KPNA1: variants seen among roughly 807,000 people sequenced by gnomAD.
KPNA1 encodes the protein karyopherin subunit alpha 1, also known as importin subunit alpha-5.
Under a neutral mutation model 70.5 loss-of-function variants are expected in KPNA1, and 10 were observed. The observed-to-expected ratio is 0.14, with a 90% CI of 0.09 to 0.24. The LOEUF (loss-of-function observed/expected upper bound fraction) is 0.24. Among genes scored for constraint, KPNA1 ranks in the 10% least tolerant of loss-of-function variants. The probability of loss-of-function intolerance (pLI) is 1.00; values close to 1 mark genes in which losing one functional copy is unlikely to be tolerated. For synonymous variants in KPNA1, 192 were observed against 221.9 expected (o/e 0.87, Z 1.20); for missense variants, 397 against 637.9 (o/e 0.62, Z 4.07).
At chr3:122,492,132 T>C (rs1368013217) in intron 2 of KPNA1, among the ~76,000 whole-genome samples, 2 of 151,994 alleles carry the variant, frequency 1.3e-5, no homozygotes, top group South Asian at 2.1e-4. Flanking sequence ...AGTGCTGGGA[T>C]TACAGGCGTG....
At chr3:122,460,943 C>T (rs73190124) in intron 5 of KPNA1, among the ~76,000 whole-genome samples, 226 of 152,240 alleles carry the variant, frequency 1.5e-3, no homozygotes, top group South Asian at 3.9e-3. Context: ...AAGTTCCTGG[C>T]TGTAATGGCT....
In KPNA1 at chr3:122,464,045, C is replaced by A. The variant is rs771496329; in HGVS notation, c.238-4G>T. 4.0e-6 allele frequency: 6 copies of A among 1,511,794 alleles called. No individual in the cohort carries two copies. In the South Asian group the frequency reaches 6.2e-5, roughly 16 times the overall value. The allele number at this position is 1,511,794 out of a possible 1,614,324, so 93.6% of individuals were successfully genotyped here. Reference sequence around the variant, plus strand: ...TGTCAGAAGTGATGACACCACCCTGCGATCACAAACAAAAAGAACATATAA... The same window carrying A: ...TGTCAGAAGTGATGACACCACCCTGAGATCACAAACAAAAAGAACATATAA... On this transcript the variant is annotated splice_polypyrimidine_tract_variant and splice_region_variant and intron_variant, in intron 3 of 13. Transcript: ENST00000344337.
chr3:122,489,014 T>C (rs1266248346), intron 2 of KPNA1, among the ~76,000 whole-genome samples: 1 of 150,532 alleles, frequency 6.6e-6, no homozygotes, highest in Non-Finnish European at 1.5e-5. Flanking sequence ...TATTTAGCTT[T>C]CTTGAAGTTG....
rs1477987119 is a variant in KPNA1 at position 122,461,312 on chromosome 3, T to C, written c.344A>G (p.Asn115Ser). 1 of 1,603,848 alleles carries C rather than the reference T, an allele frequency of 6.2e-7. No homozygotes were observed. The highest frequency in any genetic ancestry group is 8.5e-7 in the Non-Finnish European group (1 of 1,173,500). The change falls in exon 5 of 14, where the codon AAC (asparagine) becomes AGC (serine). Residue 115 changes from asparagine (N) to serine (S), a missense_variant. Asn to Ser is a conservative substitution (Grantham distance 46). Transcript: ENST00000344337. The part of the protein sequence containing the change: ...KFRKLLSKEP[N>S]PPIDEVISTP... ...GCTGATAACTTCATCAATAGGAGGG[T>C]TAGGTTCTGTTTCCCCATAAAATAA...
In KPNA1 at chr3:122,422,673, GTTGTAACC is replaced by G. The variant is rs766952393; in HGVS notation, c.*4304_*4311del. 1.3e-5 allele frequency: 2 copies of G among 152,212 alleles called. No homozygotes were observed. The highest frequency in any genetic ancestry group is 2.9e-5 in the Non-Finnish European group (2 of 68,046). 9.4% of individuals were successfully genotyped at this position (152,212 alleles called of 1,614,324 possible). A position where few individuals can be genotyped will look rare whatever the true frequency, so the allele number is the denominator to read the frequency against. On this transcript the variant is annotated 3_prime_UTR_variant, in exon 14 of 14. Transcript: ENST00000344337. Reference sequence around the variant, plus strand: ...CCCGCCCTTGGACAGCCATCTAAGTGTTGTAACCTTGGGGCAAAGTAATTTCTCGTAAG... The same window carrying G: ...CCCGCCCTTGGACAGCCATCTAAGTGTTGGGGCAAAGTAATTTCTCGTAAG...
chr3:122,478,567 CA>C (rs2076532315), intron 2 of KPNA1, among the ~76,000 whole-genome samples: 1 of 151,834 alleles, frequency 6.6e-6, no homozygotes, highest in African/African-American at 2.4e-5. Context: ...ACTAAAAATA[CA>C]AAAATTAGCT....
intron 6 of KPNA1, among the ~76,000 whole-genome samples, chr3:122,452,320 T>C (rs1259537560): frequency 6.6e-6 from 1 of 151,540 alleles, no homozygotes; most frequent in Non-Finnish European, 1.5e-5. Context: ...CAGTATGGAG[T>C]GCAACACAGT....
At chr3:122,474,375 T>C (rs766819539) in intron 2 of KPNA1, among the ~76,000 whole-genome samples, 4 of 152,014 alleles carry the variant, frequency 2.6e-5, no homozygotes, top group Non-Finnish European at 5.9e-5. Flanking sequence ...AGATCCAAAA[T>C]AGCCAACAAA....
chr3:122,457,617 G>T, intron 5 of KPNA1: 2 of 963,028 alleles, frequency 2.1e-6, no homozygotes, highest in Non-Finnish European at 2.7e-6. Context: ...CCTGAAATCT[G>T]CACACTGAAG....
Position 122,424,994 on chromosome 3 carries a change from A to G in KPNA1, c.*1991T>C, listed in dbSNP as rs2107710645. ...CAGTCTTTTACAGGTCAAGTGCAGT[A>G]AACTAAAATGTTCTCTCAGCACAAA... On this transcript the variant is annotated 3_prime_UTR_variant, in exon 14 of 14. Coordinates refer to ENST00000344337, the MANE Select transcript of KPNA1 (RefSeq NM_002264.4). The G allele has an allele frequency of 6.5e-6, 1 of 152,804 alleles. No individual in the cohort carries two copies. Among genetic ancestry groups the G allele is most frequent in the South Asian group, 2.1e-4 (1 of 4,832 alleles). 9.5% of individuals were successfully genotyped at this position (152,804 alleles called of 1,614,324 possible). A position where few individuals can be genotyped will look rare whatever the true frequency, so the allele number is the denominator to read the frequency against.
intron 1 of KPNA1, among the ~76,000 whole-genome samples, chr3:122,508,523 TG>T (rs775214730): frequency 3.3e-4 from 50 of 151,980 alleles, no homozygotes; most frequent in Non-Finnish European, 6.2e-4. Context: ...CAGGTGAGGG[TG>T]GGGGTGAGGT....
Position 122,442,024 on chromosome 3 carries a change from C to G in KPNA1, c.996+14G>C, listed in dbSNP as rs1271769107. ...GTTTTTAAAGGACAAAAAAAAGTTA[C>G]CACTTCTTCATACCTGTGTCTGAAT... On this transcript the variant is annotated intron_variant, in intron 10 of 13. Coordinates refer to ENST00000344337, the MANE Select transcript of KPNA1 (RefSeq NM_002264.4). 4 of 1,595,738 alleles carry G rather than the reference C, an allele frequency of 2.5e-6. No homozygotes were observed. In the South Asian group the frequency reaches 4.4e-5, roughly 18 times the overall value.
intron 2 of KPNA1, among the ~76,000 whole-genome samples, chr3:122,487,661 G>A (rs928491520): frequency 2.2e-4 from 34 of 152,138 alleles, no homozygotes; most frequent in Non-Finnish European, 2.1e-4. Context: ...GTTACAAGAG[G>A]ACAAATATTG....
intron 5 of KPNA1, 65 bp downstream of exon 5, chr3:122,461,159 G>T: frequency 2.0e-6 from 2 of 981,780 alleles, no homozygotes; most frequent in South Asian, 1.5e-5. Flanking sequence ...TAACAAATTT[G>T]TGTACAAAAT....
intron 2 of KPNA1, among the ~76,000 whole-genome samples, chr3:122,475,453 C>T (rs1444399162): frequency 6.6e-6 from 1 of 152,168 alleles, no homozygotes; most frequent in Non-Finnish European, 1.5e-5. Context: ...TTCAATGTAA[C>T]TTCCATCAAA....
chr3:122,490,298 T>C (rs2076683521), intron 2 of KPNA1, among the ~76,000 whole-genome samples: 1 of 152,260 alleles, frequency 6.6e-6, no homozygotes, highest in African/African-American at 2.4e-5. Context: ...CCTCTTTCTA[T>C]GTTTACAACT....
intron 2 of KPNA1, among the ~76,000 whole-genome samples, chr3:122,482,804 C>T (rs930536478): frequency 1.3e-5 from 2 of 152,154 alleles, no homozygotes; most frequent in African/African-American, 4.8e-5. Context: ...AAGACCTATA[C>T]ACCAAAAACT....
At chr3:122,430,474 T>C (rs2075886566) in intron 12 of KPNA1, among the ~76,000 whole-genome samples, 1 of 151,168 alleles carries the variant, frequency 6.6e-6, no homozygotes. Flanking sequence ...TCCTGGAACC[T>C]ATCAATGACA....
Position 122,457,574 on chromosome 3 carries a change from T to C in KPNA1, c.433-3573A>G, listed in dbSNP as rs2076278000. Among the ~76,000 whole-genome samples the C allele has an allele frequency of 2.0e-5, 3 of 152,336 alleles. No homozygotes were observed. The South Asian group carries it at 6.2e-4, about 32-fold the overall frequency. On this transcript the variant is annotated intron_variant, in intron 5 of 13. Coordinates refer to ENST00000344337, the MANE Select transcript of KPNA1 (RefSeq NM_002264.4). The stretch of plus-strand genomic sequence containing the variant: ...TAAACTGTAATTCCACTCATTATTT[T>C]TCACTGTCCTGAACTCACTAAATAA...
Sources: gnomAD v4.1 joint callset for allele counts (sites outside exome capture counted in the v4.1 genomes callset) on GRCh38, gnomAD v4.1.1 for gene constraint, MANE v1.5 for transcripts, NCBI Gene and HGNC (gene_info 2026-07-23, HGNC 2026-07-21) for gene names.